The following ECRG4 variants were observed in gnomAD, a reference collection of about 807,000 sequenced individuals.
ECRG4 encodes augurin.
A neutral mutation model predicts 15.8 loss-of-function variants in ECRG4; 18 were observed. The observed-to-expected ratio is 1.14, with a 90% confidence interval of 0.79 to 1.69. The LOEUF (loss-of-function observed/expected upper bound fraction) is 1.69, where lower values mean the gene tolerates loss of function less well. Among genes scored for constraint, ECRG4 ranks in the 40% most tolerant of loss-of-function variants. ECRG4 has a pLI of 0.00. For synonymous variants in ECRG4, 82 were observed against 73.9 expected, an observed-to-expected ratio of 1.11 and a Z score of -0.56; for missense variants, 200 against 190.9, an observed-to-expected ratio of 1.05 and a Z score of -0.28.
chr2:106,068,910 C>G (rs941892894), intron 1 of ECRG4, among the ~76,000 whole-genome samples: 1 of 152,198 alleles, frequency 6.6e-6, no homozygotes, highest in Non-Finnish European at 1.5e-5. Context: ...TGGTCAAGTG[C>G]TCATCTATGT....
At chr2:106,067,594 C>T (rs1231293204) in intron 1 of ECRG4, among the ~76,000 whole-genome samples, 2 of 151,900 alleles carry the variant, frequency 1.3e-5, no homozygotes, top group Non-Finnish European at 2.9e-5. Context: ...CTCAGCCTCC[C>T]GAGTAGCTGG....
rs1330165376 is a variant in ECRG4 at position 106,071,833 on chromosome 2, C to T, written c.80-11C>T. 4 of 1,612,252 alleles carry T rather than the reference C, an allele frequency of 2.5e-6. No individual in the cohort carries two copies. Among genetic ancestry groups the T allele is most frequent in the African/African-American group, 2.7e-5 (2 of 74,870 alleles). On this transcript the variant is annotated splice_polypyrimidine_tract_variant and intron_variant, in intron 1 of 3. Transcript: ENST00000238044. ...TAACTCTGATATGGATTTCAATTTT[C>T]ATTCCTTTAGGTGGCATAAGTGGAA... is the stretch of plus-strand genomic sequence containing the variant.
intron 1 of ECRG4, among the ~76,000 whole-genome samples, chr2:106,068,489 G>C (rs945736459): frequency 6.6e-6 from 1 of 152,106 alleles, no homozygotes; most frequent in Non-Finnish European, 1.5e-5. Context: ...TCATAATTTG[G>C]GACTTATTTG....
At chr2:106,070,935 G>T in intron 1 of ECRG4, 1 of 471,350 alleles carries the variant, frequency 2.1e-6, no homozygotes, top group South Asian at 1.5e-5. Flanking sequence ...AACAGTTAAG[G>T]GTCAGAGGCT....
Position 106,069,075 on chromosome 2 carries a change from A to G in ECRG4, c.80-2769A>G, listed in dbSNP as rs548057247. Among the ~76,000 whole-genome samples the G allele has an allele frequency of 4.0e-5, 6 of 149,634 alleles. No homozygotes were observed. In the East Asian group the frequency reaches 1.2e-3, roughly 29 times the overall value. The stretch of plus-strand genomic sequence containing the variant: ...CCCTCAAAGCATTGGCTCTCCTCCC[A>G]CAAGTTTCCTTCCTCCCTTCCTTCC... On this transcript the variant is annotated intron_variant, in intron 1 of 3. Transcript: ENST00000238044.
rs1676199144 is a variant in ECRG4 at position 106,065,820 on chromosome 2, T to C, written c.56T>C (p.Leu19Pro). 6.7e-7 allele frequency: 1 copy of C among 1,485,884 alleles called. No individual in the cohort carries two copies. The highest frequency in any genetic ancestry group is 8.9e-7 in the Non-Finnish European group (1 of 1,124,576). The allele number at this position is 1,485,884 out of a possible 1,614,324, so 92.0% of individuals were successfully genotyped here. The change falls in exon 1 of 4, where the codon CTC (leucine) becomes CCC (proline). Residue 19 changes from leucine to proline, a missense_variant. Transcript: ENST00000238044. ...AVLALTGLAL[L>P]LLLCWGPGGI... is the part of the protein sequence containing the mutation. ...CTGGCCCTGACCGGGCTGGCGCTGC[T>C]CCTGCTCCTGTGCTGGGGCCCAGGT...
intron 2 of ECRG4, 190 bp downstream of exon 2, chr2:106,072,081 C>T: frequency 1.9e-6 from 1 of 527,032 alleles, no homozygotes; most frequent in Non-Finnish European, 3.4e-6. Flanking sequence ...ATATTATTGC[C>T]AGTAAATGTC....
intron 2 of ECRG4, chr2:106,072,310 C>G (rs569562983): frequency 1.2e-4 from 20 of 163,516 alleles, no homozygotes; most frequent in Admixed American, 3.1e-4. Context: ...AACAGGAAAG[C>G]CTTTCTTGTT....
chr2:106,069,940 A>G (rs979826764), intron 1 of ECRG4, among the ~76,000 whole-genome samples: 2 of 152,204 alleles, frequency 1.3e-5, no homozygotes, highest in African/African-American at 2.4e-5. Flanking sequence ...AGCACAGACA[A>G]CAAAAACCAC....
chr2:106,072,241 G>A (rs115902752), intron 2 of ECRG4: 246 of 193,624 alleles, frequency 1.3e-3, no homozygotes, highest in African/African-American at 5.2e-3. Context: ...TGGGGCAGGC[G>A]TGGAACAGCA....
In ECRG4 at chr2:106,077,916, A is replaced by G; in HGVS notation, c.437A>G (p.Asp146Gly). The change falls in exon 4 of 4, where the codon GAT (aspartate) becomes GGT (glycine). Residue 146 changes from aspartate to glycine, a missense_variant. Transcript: ENST00000238044. Reference sequence around the variant, plus strand: ...AGGCATGGAGCCAGCGTCAACTACGATGACTACTAACCATGACTTGCCACA... The same window carrying G: ...AGGCATGGAGCCAGCGTCAACTACGGTGACTACTAACCATGACTTGCCACA... Reference protein sequence around the residue: ...GFRHGASVNYDDY With the variant: ...GFRHGASVNYGDY The G allele has an allele frequency of 1.2e-6, 2 of 1,614,084 alleles. No individual in the cohort carries two copies. The highest frequency in any genetic ancestry group is 8.5e-7 in the Non-Finnish European group (1 of 1,180,010).
At chr2:106,073,678 G>A in intron 2 of ECRG4, 1 of 635,820 alleles carries the variant, frequency 1.6e-6, no homozygotes, top group Non-Finnish European at 2.8e-6. Context: ...CCTTTATAGG[G>A]TTGTACCAAA....
At chr2:106,065,196 C>T (rs145418140), upstream of ECRG4, among the ~76,000 whole-genome samples, 34 of 152,184 alleles carry the variant, frequency 2.2e-4, no homozygotes, top group African/African-American at 8.2e-4. Flanking sequence ...CCAAAGCCCA[C>T]TTTACAAACC....
chr2:106,074,059 G>T lies in ECRG4; in HGVS notation c.285+16G>T. 6.2e-7 allele frequency: 1 copy of T among 1,609,126 alleles called. No individual in the cohort carries two copies. Among genetic ancestry groups the T allele is most frequent in the Non-Finnish European group, 8.5e-7 (1 of 1,177,142 alleles). ...TGACGAAGCGGTAGGTGTTGCCTCCGGCTGCAGGCCTGGCTTCCACAGGGA... is the reference window on the plus strand; with the variant it reads ...TGACGAAGCGGTAGGTGTTGCCTCCTGCTGCAGGCCTGGCTTCCACAGGGA... On this transcript the variant is annotated intron_variant, in intron 3 of 3. Transcript: ENST00000238044.
In ECRG4 at chr2:106,074,751, G is replaced by T. The variant is rs540813406; in HGVS notation, c.285+708G>T. 2.0e-5 allele frequency among the ~76,000 whole-genome samples: 3 copies of T among 152,348 alleles called. No individual in the cohort carries two copies. The East Asian group carries it at 5.8e-4, about 29-fold the overall frequency. On this transcript the variant is annotated intron_variant, in intron 3 of 3. Coordinates refer to ENST00000238044, the MANE Select transcript of ECRG4 (RefSeq NM_032411.3). ...TGTGTGAGACGTAAAGGGAGGACCT[G>T]TGGCCTGTGCTGCCCCACCAGGGAG...
intron 1 of ECRG4, among the ~76,000 whole-genome samples, chr2:106,067,459 A>G: frequency 6.7e-6 from 1 of 150,174 alleles, no homozygotes; most frequent in East Asian, 1.9e-4. Context: ...GAAAGTTCTT[A>G]TACAGTGAAA....
chr2:106,077,914 C>T lies in ECRG4; in HGVS notation c.435C>T (p.Tyr145=), dbSNP rs764563678. 7 of 1,613,866 alleles carry T rather than the reference C, an allele frequency of 4.3e-6. No individual in the cohort carries two copies. Among genetic ancestry groups the T allele is most frequent in the African/African-American group, 4.0e-5 (3 of 74,910 alleles). Residue 145 remains tyrosine, a synonymous_variant, in exon 4 of 4, where the codon TAC becomes TAT. Transcript: ENST00000238044. ...TTAGGCATGGAGCCAGCGTCAACTA[C>T]GATGACTACTAACCATGACTTGCCA... is the stretch of plus-strand genomic sequence containing the variant. ...YGFRHGASVN[Y]DDY
chr2:106,073,798 G>T, intron 2 of ECRG4, 88 bp from the exon 3 acceptor site: 1 of 1,486,738 alleles, frequency 6.7e-7, no homozygotes, highest in Non-Finnish European at 9.3e-7. Flanking sequence ...ACATGGTGGT[G>T]GGGGATGGGA....
intron 3 of ECRG4, 116 bp downstream of exon 3, chr2:106,074,159 A>G (rs1017950339): frequency 2.1e-5 from 26 of 1,227,742 alleles, no homozygotes; most frequent in Non-Finnish European, 2.8e-5. Context: ...TTCCTAGAGT[A>G]AGAGCCCCAT....
Sources: allele counts gnomAD v4.1 joint callset (sites outside exome capture counted in the v4.1 genomes callset), GRCh38; gene constraint gnomAD v4.1.1; transcripts MANE v1.5; gene names NCBI Gene and HGNC (gene_info 2026-07-23, HGNC 2026-07-21).